The following LDB2 variants were observed in gnomAD, a reference collection of about 807,000 sequenced individuals.
LDB2 encodes LIM domain binding 2.
In LDB2, 12 loss-of-function variants were observed where a neutral mutation model predicts 44.3. That is an observed-to-expected ratio of 0.27 (90% CI 0.17 to 0.44). LDB2 has a LOEUF of 0.44. Among genes scored for constraint, LDB2 ranks in the 20% least tolerant of loss-of-function variants. LDB2 has a pLI of 1.00. For missense variants in LDB2, 344 were observed against 473.5 expected (o/e 0.73, Z 2.54); for synonymous variants, 164 against 174.8 (o/e 0.94, Z 0.49).
chr4:16,833,604 G>A lies in LDB2; in HGVS notation c.132+64750C>T, dbSNP rs111952105. On this transcript the variant is annotated intron_variant, in intron 1 of 7. Coordinates refer to ENST00000304523, the MANE Select transcript of LDB2 (RefSeq NM_001290.5). ...TGTCACCAGTCTGGAGTGCAGTGGC[G>A]CGATCTCTGCTCACTGCAACCTCTG... 7.3e-3 allele frequency among the ~76,000 whole-genome samples: 1,094 copies of A among 149,214 alleles called. 16 individuals are homozygous for A. Among genetic ancestry groups the A allele is most frequent in the African/African-American group, 0.026 (1,034 of 40,480 alleles).
chr4:16,534,980 G>C (rs1731283110), intron 5 of LDB2, among the ~76,000 whole-genome samples: 1 of 152,094 alleles, frequency 6.6e-6, no homozygotes, highest in Admixed American at 6.6e-5. Flanking sequence ...ACACATCAGG[G>C]GATGAGTTTT....
intron 1 of LDB2, among the ~76,000 whole-genome samples, chr4:16,772,294 C>A (rs1175175542): frequency 6.6e-6 from 1 of 152,140 alleles, no homozygotes; most frequent in Admixed American, 6.6e-5. Flanking sequence ...AAATTGTGTT[C>A]ATTGGGAATA....
At chr4:16,517,632 G>A (rs1724264814) in intron 5 of LDB2, among the ~76,000 whole-genome samples, 1 of 152,200 alleles carries the variant, frequency 6.6e-6, no homozygotes, top group Non-Finnish European at 1.5e-5. Context: ...GGATCAGCAA[G>A]GCCCGAGATC....
intron 2 of LDB2, among the ~76,000 whole-genome samples, chr4:16,715,971 A>C (rs1756997081): frequency 6.6e-6 from 1 of 152,196 alleles, no homozygotes; most frequent in South Asian, 2.1e-4. Flanking sequence ...GTAGCATTTA[A>C]AAGCAAGCTA....
At chr4:16,727,783 A>G (rs1026370986) in intron 2 of LDB2, among the ~76,000 whole-genome samples, 2 of 151,968 alleles carry the variant, frequency 1.3e-5, no homozygotes, top group African/African-American at 4.8e-5. Context: ...TTCATTTTTC[A>G]TTTCTTTGTT....
intron 1 of LDB2, among the ~76,000 whole-genome samples, chr4:16,790,253 G>T (rs1469552776): frequency 2.6e-5 from 4 of 152,184 alleles, no homozygotes; most frequent in African/African-American, 9.7e-5. Context: ...AAACTCTTAA[G>T]GCAGGAAGGC....
chr4:16,856,642 T>C (rs188544342), intron 1 of LDB2, among the ~76,000 whole-genome samples: 36 of 152,334 alleles, frequency 2.4e-4, no homozygotes, highest in Admixed American at 2.0e-3. Flanking sequence ...ATGTGTATGT[T>C]CTGTAACTCT....
intron 2 of LDB2, among the ~76,000 whole-genome samples, chr4:16,706,409 C>A (rs575510729): frequency 5.3e-4 from 80 of 152,320 alleles, no homozygotes; most frequent in South Asian, 4.3e-3. Context: ...ATTTGCAAGC[C>A]AGGAAGAGAG....
At chr4:16,752,493 G>A in intron 2 of LDB2, 1 of 439,218 alleles carries the variant, frequency 2.3e-6, no homozygotes, top group Non-Finnish European at 4.5e-6. Context: ...TTTTGGCTCT[G>A]CCCAAAACCA....
Position 16,563,429 on chromosome 4 carries a change from A to ATTTTTTTTTTT in LDB2, c.615+22482_615+22492dup, listed in dbSNP as rs1169491759. Among the ~76,000 whole-genome samples the ATTTTTTTTTTT allele has an allele frequency of 1.9e-4, 9 of 46,578 alleles. 2 individuals are homozygous for ATTTTTTTTTTT. Among genetic ancestry groups the ATTTTTTTTTTT allele is most frequent in the East Asian group, 1.0e-3 (2 of 1,910 alleles). 30.6% of individuals were successfully genotyped at this position (46,578 alleles called of 152,430 possible). A position where few individuals can be genotyped will look rare whatever the true frequency, so the allele number is the denominator to read the frequency against. On this transcript the variant is annotated intron_variant, in intron 5 of 7. Transcript: ENST00000304523. ...TCAAAACCATCTCATCAGTCATCAG[A>ATTTTTTTTTTT]TTTTTTTTTTTTTTTTTTTTTTTTT...
intron 2 of LDB2, among the ~76,000 whole-genome samples, chr4:16,630,640 T>G (rs1731663396): frequency 6.6e-6 from 1 of 152,136 alleles, no homozygotes; most frequent in Non-Finnish European, 1.5e-5. Context: ...AGACACAGAC[T>G]GGCAAATTGG....
chr4:16,819,825 A>T (rs1241812263), intron 1 of LDB2, among the ~76,000 whole-genome samples: 1 of 152,212 alleles, frequency 6.6e-6, no homozygotes, highest in Admixed American at 6.5e-5. Flanking sequence ...AAATTCCATG[A>T]TTCAGCAGTT....
intron 1 of LDB2, among the ~76,000 whole-genome samples, chr4:16,887,441 G>A (rs1301363266): frequency 2.0e-5 from 3 of 152,134 alleles, no homozygotes; most frequent in Non-Finnish European, 4.4e-5. Flanking sequence ...CAAAGGGCAG[G>A]TAATATGCAC....
At chr4:16,516,851 A>G (rs1284890814) in intron 5 of LDB2, among the ~76,000 whole-genome samples, 1 of 152,188 alleles carries the variant, frequency 6.6e-6, no homozygotes, top group Non-Finnish European at 1.5e-5. Flanking sequence ...GCTAATCGAG[A>G]ATCCCCAAAG....
intron 2 of LDB2, among the ~76,000 whole-genome samples, chr4:16,692,400 T>C (rs977299833): frequency 2.6e-5 from 4 of 152,146 alleles, no homozygotes; most frequent in African/African-American, 4.8e-5. Flanking sequence ...ACCTTGCCCT[T>C]AGGGATGTAT....
chr4:16,516,826 C>T (rs1723917703), intron 5 of LDB2, among the ~76,000 whole-genome samples: 1 of 152,222 alleles, frequency 6.6e-6, no homozygotes. Context: ...CCCAAAGGAG[C>T]TTGCATCTCT....
chr4:16,528,341 C>T (rs915536873), intron 5 of LDB2, among the ~76,000 whole-genome samples: 2 of 152,136 alleles, frequency 1.3e-5, no homozygotes, highest in Non-Finnish European at 2.9e-5. Flanking sequence ...ACCACCCGTT[C>T]TTCAAAAACC....
intron 5 of LDB2, among the ~76,000 whole-genome samples, chr4:16,552,100 C>T (rs533216535): frequency 6.6e-6 from 1 of 152,112 alleles, no homozygotes; most frequent in East Asian, 1.9e-4. Flanking sequence ...TTTGATTTGG[C>T]CTTTATCCTT....
intron 5 of LDB2, among the ~76,000 whole-genome samples, chr4:16,555,266 C>T (rs574630235): frequency 2.2e-4 from 34 of 152,218 alleles, no homozygotes; most frequent in Non-Finnish European, 3.5e-4. Flanking sequence ...TTAAGACAAA[C>T]GTTGTTCTAA....
Sources: gnomAD v4.1 joint callset for allele counts (sites outside exome capture counted in the v4.1 genomes callset) on GRCh38, gnomAD v4.1.1 for gene constraint, MANE v1.5 for transcripts, NCBI Gene and HGNC (gene_info 2026-07-23, HGNC 2026-07-21) for gene names.